Variants in ELAVL2 observed in about 807,000 individuals in gnomAD.
ELAVL2 encodes ELAV-like protein 2.
A neutral mutation model predicts 34.6 loss-of-function variants in ELAVL2; 4 were observed. The observed-to-expected ratio is 0.12, with a 90% CI of 0.06 to 0.26. The LOEUF is 0.26. Ranked by LOEUF, ELAVL2 falls within the 10% of genes least tolerant of loss-of-function variation. ELAVL2 has a pLI of 1.00. For synonymous variants in ELAVL2, 193 were observed against 154.8 expected (o/e 1.25, Z -1.83); for missense variants, 432 against 442.8 (o/e 0.98, Z 0.22).
At chr9:23,710,060 C>T (rs957348323) in intron 3 of ELAVL2, among the ~76,000 whole-genome samples, 1 of 152,074 alleles carries the variant, frequency 6.6e-6, no homozygotes, top group Non-Finnish European at 1.5e-5. Context: ...AAGTAAATGG[C>T]CCATGGCTTC....
chr9:23,704,251 G>C (rs930708868), intron 4 of ELAVL2, among the ~76,000 whole-genome samples: 4 of 151,840 alleles, frequency 2.6e-5, no homozygotes, highest in African/African-American at 7.2e-5. Context: ...TTTTATAATA[G>C]AAAATTGTAT....
intron 1 of ELAVL2, among the ~76,000 whole-genome samples, chr9:23,797,035 T>C (rs939790662): frequency 5.3e-5 from 8 of 152,184 alleles, no homozygotes; most frequent in African/African-American, 1.9e-4. Context: ...GTAGCCAATT[T>C]AGCTAAATGG....
intron 1 of ELAVL2, among the ~76,000 whole-genome samples, chr9:23,768,010 G>A (rs1384362823): frequency 6.6e-6 from 1 of 152,020 alleles, no homozygotes; most frequent in African/African-American, 2.4e-5. Context: ...ATCCTGACCT[G>A]GGCTCTCATC....
At chr9:23,719,939 C>T (rs2134026650) in intron 3 of ELAVL2, among the ~76,000 whole-genome samples, 1 of 151,040 alleles carries the variant, frequency 6.6e-6, no homozygotes, top group East Asian at 2.0e-4. Context: ...GATTCTCCTG[C>T]CTCAGCCTCC....
chr9:23,776,221 A>C (rs2058167476), intron 1 of ELAVL2, among the ~76,000 whole-genome samples: 1 of 152,166 alleles, frequency 6.6e-6, no homozygotes, highest in Non-Finnish European at 1.5e-5. Context: ...TAACACACAC[A>C]TCTCTTTCCG....
At chr9:23,787,545 T>C (rs2059842618) in intron 1 of ELAVL2, among the ~76,000 whole-genome samples, 3 of 151,448 alleles carry the variant, frequency 2.0e-5, no homozygotes, top group African/African-American at 7.3e-5. Flanking sequence ...TCCCTATTTT[T>C]CAAATGAGGA....
chr9:23,787,319 G>C (rs1009586480), intron 1 of ELAVL2, among the ~76,000 whole-genome samples: 2 of 151,274 alleles, frequency 1.3e-5, no homozygotes, highest in Non-Finnish European at 2.9e-5. Context: ...GAGTGCAATG[G>C]CATGATCTTA....
At chr9:23,708,061 A>G (rs1366275437) in intron 3 of ELAVL2, among the ~76,000 whole-genome samples, 1 of 151,824 alleles carries the variant, frequency 6.6e-6, no homozygotes, top group South Asian at 2.1e-4. Context: ...TTTTTTCCCC[A>G]ATGTCCACTC....
chr9:23,720,223 G>C (rs573011233), intron 3 of ELAVL2, among the ~76,000 whole-genome samples: 1 of 151,042 alleles, frequency 6.6e-6, no homozygotes, highest in Non-Finnish European at 1.5e-5. Flanking sequence ...CCCAGGCTAG[G>C]GTGCAGTGGT....
rs145725301 is a variant in ELAVL2 at position 23,776,010 on chromosome 9, T to G, written c.-15-13761A>C. ...AGATCCATAAAGAGAATGAATGCCA[T>G]GAATTGTGATTCAAGGTGGCAAGTA... On this transcript the variant is annotated intron_variant, in intron 1 of 6. Coordinates refer to ENST00000397312, the MANE Select transcript of ELAVL2 (RefSeq NM_004432.5). 6.2e-3 allele frequency among the ~76,000 whole-genome samples: 946 copies of G among 152,328 alleles called. 5 individuals carry two copies. The highest frequency in any genetic ancestry group is 0.014 in the Middle Eastern group (4 of 294).
At chr9:23,705,455 C>T (rs1377159596) in intron 3 of ELAVL2, among the ~76,000 whole-genome samples, 3 of 152,190 alleles carry the variant, frequency 2.0e-5, no homozygotes, top group Non-Finnish European at 2.9e-5. Context: ...ACCTTTAGTC[C>T]AGTTTTAATT....
intron 3 of ELAVL2, among the ~76,000 whole-genome samples, chr9:23,719,063 A>G (rs1041032541): frequency 4.6e-5 from 7 of 152,210 alleles, no homozygotes; most frequent in Admixed American, 1.3e-4. Context: ...ATTGCCATCT[A>G]TGCAACACCT....
At chr9:23,760,397 T>A (rs1182199842) in intron 2 of ELAVL2, among the ~76,000 whole-genome samples, 1 of 152,058 alleles carries the variant, frequency 6.6e-6, no homozygotes, top group Admixed American at 6.6e-5. Context: ...ATCATTTGTG[T>A]CATAGCCCTC....
At chr9:23,817,472 G>C (rs762824557) in intron 1 of ELAVL2, among the ~76,000 whole-genome samples, 1 of 152,070 alleles carries the variant, frequency 6.6e-6, no homozygotes, top group African/African-American at 2.4e-5. Context: ...TTCAGTTCAC[G>C]CATTGAGAGC....
intron 3 of ELAVL2, among the ~76,000 whole-genome samples, chr9:23,706,621 G>A (rs910938176): frequency 5.3e-5 from 8 of 152,074 alleles, no homozygotes; most frequent in Non-Finnish European, 8.8e-5. Context: ...CACAATATAC[G>A]CCATCCTCAG....
intron 4 of ELAVL2, among the ~76,000 whole-genome samples, chr9:23,704,394 A>G (rs1356746076): frequency 1.3e-5 from 2 of 152,198 alleles, no homozygotes; most frequent in African/African-American, 4.8e-5. Flanking sequence ...AGTTGGGCTA[A>G]CAGTGATATT....
chr9:23,779,123 A>G (rs2058684391), intron 1 of ELAVL2: 9 of 920,416 alleles, frequency 9.8e-6, no homozygotes, highest in Non-Finnish European at 1.2e-5. Flanking sequence ...AATTAACATT[A>G]AATTTCCAGG....
At chr9:23,832,396 CT>C in the ELAVL2 span, 1 of 152,128 alleles carries the variant, frequency 6.6e-6, no homozygotes, top group Non-Finnish European at 1.5e-5. Context: ...TTACCGCACA[CT>C]TTATATCTAC....
rs1419116540 is a variant in ELAVL2, at chr9:23,794,547, C to T, written c.-16+31259G>A. On this transcript the variant is annotated intron_variant, in intron 1 of 6. Transcript: ENST00000397312. ...CAGCCCCCATTTTTCAAATTCAAGG[C>T]TGAATAAGATACATTCAGTTTTAAA... 2.0e-5 allele frequency among the ~76,000 whole-genome samples: 3 copies of T among 152,278 alleles called. No individual in the cohort carries two copies. In the East Asian group the frequency reaches 5.8e-4, roughly 29 times the overall value.
Sources: gnomAD v4.1 joint callset for allele counts (sites outside exome capture counted in the v4.1 genomes callset) on GRCh38, gnomAD v4.1.1 for gene constraint, MANE v1.5 for transcripts, NCBI Gene and HGNC (gene_info 2026-07-23, HGNC 2026-07-21) for gene names.